The following DYNC2H1 variants were observed in gnomAD, a reference collection of about 807,000 sequenced individuals.
DYNC2H1 encodes the protein cytoplasmic dynein 2 heavy chain 1.
In DYNC2H1, 410 loss-of-function variants were observed where a neutral mutation model predicts 570.0. The ratio of observed to expected loss-of-function variants is 0.72; its 90% CI spans 0.66 to 0.78. The LOEUF is 0.78. DYNC2H1 is among the 30% of genes least tolerant of loss of function. The pLI is 0.00. For synonymous variants in DYNC2H1, 1,688 were observed against 1,677.6 expected (o/e 1.01, Z -0.15); for missense variants, 4,865 against 5,046.4 (o/e 0.96, Z 1.09).
intron 84 of DYNC2H1, among the ~76,000 whole-genome samples, chr11:103,425,572 G>A (rs1248339329): frequency 1.3e-5 from 2 of 152,010 alleles, no homozygotes; most frequent in Non-Finnish European, 2.9e-5. Context: ...CTTTCAACAA[G>A]ACGTCTGAGG....
intron 40 of DYNC2H1, 130 bp downstream of exon 40, chr11:103,182,016 T>G: frequency 1.1e-6 from 1 of 886,372 alleles, no homozygotes; most frequent in Non-Finnish European, 1.7e-6. Flanking sequence ...ATTTTGTCAC[T>G]GCTACTCCTC....
intron 77 of DYNC2H1, among the ~76,000 whole-genome samples, chr11:103,306,692 G>A (rs1223387329): frequency 2.0e-5 from 3 of 151,888 alleles, no homozygotes; most frequent in African/African-American, 4.8e-5. Flanking sequence ...TACATTTCAC[G>A]TGATATTAAA....
chr11:103,338,958 T>C (rs1445686811), intron 82 of DYNC2H1, among the ~76,000 whole-genome samples: 2 of 152,180 alleles, frequency 1.3e-5, no homozygotes, highest in Admixed American at 1.3e-4. Flanking sequence ...TACCTGTCCT[T>C]CTTGAGTGGA....
intron 17 of DYNC2H1, among the ~76,000 whole-genome samples, chr11:103,139,953 C>T (rs1245012942): frequency 2.0e-5 from 3 of 152,150 alleles, no homozygotes; most frequent in African/African-American, 4.8e-5. Context: ...TGAATTGATC[C>T]ATTTACCATC....
chr11:103,176,855 A>G (rs187151693), intron 37 of DYNC2H1, among the ~76,000 whole-genome samples: 7 of 151,916 alleles, frequency 4.6e-5, no homozygotes, highest in Admixed American at 4.6e-4. Flanking sequence ...ACAGGTGCAC[A>G]CCACCACACC....
At chr11:103,335,981 T>C (rs531511806) in intron 82 of DYNC2H1, among the ~76,000 whole-genome samples, 431 of 152,294 alleles carry the variant, frequency 2.8e-3, no homozygotes, top group Non-Finnish European at 5.2e-3. Flanking sequence ...TGAATACTGG[T>C]TCATGCCTGT....
chr11:103,320,085 T>G (rs539134441), intron 80 of DYNC2H1, among the ~76,000 whole-genome samples: 129 of 152,342 alleles, frequency 8.5e-4, no homozygotes, highest in African/African-American at 3.0e-3. Flanking sequence ...CTAGTTTAAA[T>G]GTAGTTATGT....
intron 56 of DYNC2H1, 52 bp from the exon 57 acceptor site, chr11:103,220,571 G>T: frequency 6.6e-7 from 1 of 1,504,634 alleles, no homozygotes. Context: ...AAGAGTTAAT[G>T]ATTTAAAGAA....
intron 84 of DYNC2H1, among the ~76,000 whole-genome samples, chr11:103,432,830 G>A (rs1943940397): frequency 6.6e-6 from 1 of 152,104 alleles, no homozygotes; most frequent in African/African-American, 2.4e-5. Context: ...ATATGAGGTG[G>A]TGTGTATCAA....
chr11:103,374,336 G>A (rs11225754), intron 83 of DYNC2H1, among the ~76,000 whole-genome samples: 5,369 of 152,206 alleles, frequency 0.035, 311 homozygotes, highest in African/African-American at 0.12. Flanking sequence ...TCCCCTGCTG[G>A]CACTTATTCT....
rs1246871283 is a variant in DYNC2H1 at position 103,243,325 on chromosome 11, CT to C, written c.9820-367del. Among the ~76,000 whole-genome samples the C allele has an allele frequency of 6.6e-6, 1 of 151,788 alleles. No individual in the cohort carries two copies. Among genetic ancestry groups the C allele is most frequent in the African/African-American group, 2.4e-5 (1 of 41,386 alleles). On this transcript the variant is annotated intron_variant, in intron 63 of 88. Transcript: ENST00000375735. The surrounding 1 kb of genome is among the most constrained non-coding windows in gnomAD (Gnocchi z 4.8). Reference sequence around the variant, plus strand: ...GATAGATAAATAGAGAATAATTTGACTGTGTATTATAAAAGCCAAAAAGAAT... The same window carrying C: ...GATAGATAAATAGAGAATAATTTGACGTGTATTATAAAAGCCAAAAAGAAT...
chr11:103,412,858 T>C (rs1451311779), intron 84 of DYNC2H1, among the ~76,000 whole-genome samples: 2 of 152,216 alleles, frequency 1.3e-5, no homozygotes, highest in Admixed American at 6.5e-5. Flanking sequence ...GTTAATATCT[T>C]CTTTGCTATC....
intron 6 of DYNC2H1, among the ~76,000 whole-genome samples, chr11:103,119,458 G>A (rs1005274619): frequency 2.0e-5 from 3 of 152,010 alleles, no homozygotes; most frequent in Admixed American, 6.5e-5. Context: ...TCCTGCTTCA[G>A]CCTCCTGAGT....
At chr11:103,266,260 G>A (rs1865500477) in intron 70 of DYNC2H1, among the ~76,000 whole-genome samples, 1 of 152,080 alleles carries the variant, frequency 6.6e-6, no homozygotes, top group African/African-American at 2.4e-5. Flanking sequence ...CTTTCTGCTT[G>A]CATTAACCAG....
intron 83 of DYNC2H1, among the ~76,000 whole-genome samples, chr11:103,359,856 G>A (rs1333107453): frequency 2.0e-5 from 3 of 151,744 alleles, no homozygotes; most frequent in Non-Finnish European, 2.9e-5. Context: ...GTAGAGATGC[G>A]TTTTTACCAT....
chr11:103,414,409 A>G (rs1490165497), intron 84 of DYNC2H1, among the ~76,000 whole-genome samples: 11 of 152,254 alleles, frequency 7.2e-5, no homozygotes, highest in Non-Finnish European at 1.3e-4. Flanking sequence ...TCACGAGGTC[A>G]GGAGTTCAAG....
rs775756101 is a variant in DYNC2H1, at chr11:103,331,184, TAATA to T, written c.12039+7199_12039+7202del. Among the ~76,000 whole-genome samples, 5 of 152,216 alleles carry T rather than the reference TAATA, an allele frequency of 3.3e-5. No individual in the cohort carries two copies. The South Asian group carries it at 1.0e-3, about 31-fold the overall frequency. ...GAATTCAGCTAGAATTCTTAATAGT[TAATA>T]AATAGTTAAAAAATAAATTCTTAAT... On this transcript the variant is annotated intron_variant, in intron 82 of 88. Coordinates refer to ENST00000375735, the MANE Select transcript of DYNC2H1 (RefSeq NM_001377.3).
chr11:103,144,752 T>G (rs1415754347), intron 18 of DYNC2H1, among the ~76,000 whole-genome samples: 1 of 152,130 alleles, frequency 6.6e-6, no homozygotes, highest in African/African-American at 2.4e-5. Context: ...AACAGGAGTG[T>G]GTCAGTACCA....
chr11:103,459,869 G>A (rs9795059), intron 87 of DYNC2H1, among the ~76,000 whole-genome samples: 21,610 of 149,068 alleles, frequency 0.14, 1,756 homozygotes, highest in Admixed American at 0.24. Flanking sequence ...GGAGAATGGC[G>A]TGAACCCGGG....
Sources: allele counts gnomAD v4.1 joint callset (sites outside exome capture counted in the v4.1 genomes callset), GRCh38; gene constraint gnomAD v4.1.1; non-coding constraint Gnocchi (gnomAD v3.1); transcripts MANE v1.5; gene names NCBI Gene and HGNC (gene_info 2026-07-23, HGNC 2026-07-21).